The following COL5A2 variants were observed in gnomAD, a reference collection of about 807,000 sequenced individuals.
COL5A2 encodes collagen type V alpha 2 chain, also known as collagen alpha-2(V) chain.
A neutral mutation model predicts 208.2 loss-of-function variants in COL5A2; 23 were observed. The observed-to-expected ratio is 0.11, with a 90% CI of 0.08 to 0.16. The LOEUF (loss-of-function observed/expected upper bound fraction) is 0.16. Among genes scored for constraint, COL5A2 ranks in the 10% least tolerant of loss-of-function variants. The pLI is 1.00. For missense variants in COL5A2, 1,590 were observed against 1,956.4 expected (o/e 0.81, Z 3.53); for synonymous variants, 625 against 628.5 (o/e 0.99, Z 0.08).
chr2:189,193,107 T>C (rs1688951230), intron 1 of COL5A2, among the ~76,000 whole-genome samples: 1 of 152,218 alleles, frequency 6.6e-6, no homozygotes, highest in Admixed American at 6.5e-5. Flanking sequence ...TTTCTCAGCC[T>C]CAAGAACCAT....
intron 31 of COL5A2, among the ~76,000 whole-genome samples, chr2:189,059,585 G>GTTTTTTTTTTTTGTTTTTTTTTTT (rs1685979486): frequency 3.5e-5 from 1 of 28,594 alleles, no homozygotes; most frequent in Non-Finnish European, 7.4e-5. Context: ...TTCTTTTCTG[G>GTTTTTTTTTTTTGTTTTTTTTTTT]TTTTTTTTTT....
the COL5A2 span, among the ~76,000 whole-genome samples, chr2:189,256,896 G>A: frequency 2.0e-5 from 3 of 152,152 alleles, no homozygotes; most frequent in Non-Finnish European, 4.4e-5. Flanking sequence ...CCAAAGTGTT[G>A]GGATTACAGG....
At chr2:189,213,318 G>A (rs770980108) in intron 1 of COL5A2, among the ~76,000 whole-genome samples, 3 of 152,052 alleles carry the variant, frequency 2.0e-5, no homozygotes, top group Non-Finnish European at 2.9e-5. Context: ...CAAGAGAAAA[G>A]TATCAAGATT....
chr2:189,192,411 T>A (rs1688942622), intron 1 of COL5A2, among the ~76,000 whole-genome samples: 3 of 152,194 alleles, frequency 2.0e-5, no homozygotes, highest in African/African-American at 4.8e-5. Context: ...CCTAAAAGCC[T>A]CTCACTAACC....
the COL5A2 span, among the ~76,000 whole-genome samples, chr2:189,425,051 A>C: frequency 6.6e-6 from 1 of 152,224 alleles, no homozygotes; most frequent in Non-Finnish European, 1.5e-5. Flanking sequence ...TGGGGAAAGG[A>C]CAGTCTCTTC....
the COL5A2 span, among the ~76,000 whole-genome samples, chr2:189,375,018 A>G: frequency 1.3e-5 from 2 of 151,230 alleles, no homozygotes; most frequent in Admixed American, 1.3e-4. Context: ...ATATTTTTAT[A>G]TCTTTTTTTT....
chr2:189,084,049 A>C lies in COL5A2; in HGVS notation c.799-12T>G, dbSNP rs1451385269. On this transcript the variant is annotated splice_polypyrimidine_tract_variant and intron_variant, in intron 11 of 53. Coordinates refer to ENST00000374866, the MANE Select transcript of COL5A2 (RefSeq NM_000393.5). Reference sequence around the variant, plus strand: ...CTGCCAGGTTCACCCTTTATGGAAAAAAATGTAGGAGATTGGGAAGGCAAA... The same window carrying C: ...CTGCCAGGTTCACCCTTTATGGAAACAAATGTAGGAGATTGGGAAGGCAAA... 6.2e-7 allele frequency: 1 copy of C among 1,607,244 alleles called. No homozygotes were observed. The highest frequency in any genetic ancestry group is 8.5e-7 in the Non-Finnish European group (1 of 1,173,980).
intron 3 of COL5A2, among the ~76,000 whole-genome samples, chr2:189,101,101 G>A (rs569374150): frequency 6.6e-6 from 1 of 152,048 alleles, no homozygotes; most frequent in East Asian, 1.9e-4. Context: ...AGCATTCAAT[G>A]AATTTTTAAA....
chr2:189,337,056 C>T, the COL5A2 span, among the ~76,000 whole-genome samples: 1 of 152,066 alleles, frequency 6.6e-6, no homozygotes, highest in South Asian at 2.1e-4. Context: ...CCTTTGTGTA[C>T]ATATTTTGCT....
the COL5A2 span, among the ~76,000 whole-genome samples, chr2:189,266,573 T>C: frequency 6.6e-6 from 1 of 152,038 alleles, no homozygotes; most frequent in East Asian, 1.9e-4. Flanking sequence ...TAGGCAAATA[T>C]CTAGATACAG....
At chr2:189,358,445 A>G in the COL5A2 span, among the ~76,000 whole-genome samples, 2 of 152,192 alleles carry the variant, frequency 1.3e-5, no homozygotes, top group East Asian at 3.8e-4. Flanking sequence ...TGCTGTATTT[A>G]TGACATTTTC....
intron 2 of COL5A2, 24 bp downstream of exon 2, chr2:189,110,201 T>C (rs1363187035): frequency 4.8e-6 from 7 of 1,473,036 alleles, no homozygotes; most frequent in Non-Finnish European, 6.7e-6. Context: ...GGATCAATTA[T>C]GAGTTGGCCC....
intron 1 of COL5A2, among the ~76,000 whole-genome samples, chr2:189,133,646 G>A (rs1687769934): frequency 6.6e-6 from 1 of 152,078 alleles, no homozygotes; most frequent in Admixed American, 6.5e-5. Context: ...AGGCAGCAGG[G>A]AAAGATTCCA....
rs548524647 is a variant in COL5A2 at position 189,046,209 on chromosome 2, G to GC, written c.3202-303dup. 3.4e-4 allele frequency among the ~76,000 whole-genome samples: 51 copies of GC among 152,154 alleles called. 1 individual carries two copies. In the East Asian group the frequency reaches 9.3e-3, roughly 28 times the overall value. On this transcript the variant is annotated intron_variant, in intron 45 of 53. Transcript: ENST00000374866. ...TCCAGAATTTAACATGTTTTCTAGA[G>GC]CACCAATCTTTAAGCTGGAATATTG...
At chr2:189,378,675 G>C in the COL5A2 span, among the ~76,000 whole-genome samples, 2 of 148,402 alleles carry the variant, frequency 1.3e-5, no homozygotes, top group Admixed American at 1.4e-4. Context: ...AGTGAGCAGA[G>C]ATCACGCCAC....
the COL5A2 span, among the ~76,000 whole-genome samples, chr2:189,399,235 A>C: frequency 6.6e-6 from 1 of 150,560 alleles, no homozygotes; most frequent in South Asian, 2.1e-4. Flanking sequence ...TGTTTATCTT[A>C]AAATATTTAT....
the COL5A2 span, among the ~76,000 whole-genome samples, chr2:189,354,156 T>G: frequency 6.6e-6 from 1 of 152,178 alleles, no homozygotes; most frequent in Non-Finnish European, 1.5e-5. Context: ...GATAAGCTTT[T>G]TGATGTGCTG....
the COL5A2 span, among the ~76,000 whole-genome samples, chr2:189,303,601 G>T: frequency 1.3e-5 from 2 of 152,168 alleles, no homozygotes; most frequent in African/African-American, 4.8e-5. Flanking sequence ...CCTTGTAGAT[G>T]AACTGTAACC....
At chr2:189,273,872 G>A in the COL5A2 span, among the ~76,000 whole-genome samples, 2 of 152,038 alleles carry the variant, frequency 1.3e-5, no homozygotes, top group African/African-American at 4.8e-5. Context: ...GGAAGATGTT[G>A]GTGAAAGGAC....
Sources: allele counts gnomAD v4.1 joint callset (sites outside exome capture counted in the v4.1 genomes callset), GRCh38; gene constraint gnomAD v4.1.1; transcripts MANE v1.5; gene names NCBI Gene and HGNC (gene_info 2026-07-23, HGNC 2026-07-21).